SLC17A8: variants seen among roughly 807,000 people sequenced by gnomAD.
SLC17A8 encodes the protein vesicular glutamate transporter 3.
In SLC17A8, 31 loss-of-function variants were observed where a neutral mutation model predicts 58.0. The observed-to-expected ratio is 0.53, with a 90% CI of 0.40 to 0.72. SLC17A8 has a LOEUF of 0.72. Among genes scored for constraint, SLC17A8 ranks in the 30% least tolerant of loss-of-function variants. The probability of loss-of-function intolerance (pLI) is 0.00; values close to 1 mark genes in which losing one functional copy is unlikely to be tolerated. For missense variants in SLC17A8, 655 were observed against 727.8 expected, an observed-to-expected ratio of 0.90 and a Z score of 1.15; for synonymous variants, 228 against 249.0, an observed-to-expected ratio of 0.92 and a Z score of 0.79.
chr12:100,413,085 T>G (rs1952882124), intron 10 of SLC17A8, among the ~76,000 whole-genome samples: 1 of 152,082 alleles, frequency 6.6e-6, no homozygotes, highest in African/African-American at 2.4e-5. Context: ...AAGGTGGAAT[T>G]TTTCCTACTT....
intron 1 of SLC17A8, among the ~76,000 whole-genome samples, chr12:100,367,052 T>A (rs1412920701): frequency 6.6e-6 from 1 of 152,168 alleles, no homozygotes; most frequent in Non-Finnish European, 1.5e-5. Context: ...TTCCTTATTA[T>A]CTTAAGAGCA....
rs1952800225 is a variant in SLC17A8 at position 100,402,678 on chromosome 12, C to T, written c.986C>T (p.Thr329Ile). The T allele has an allele frequency of 6.2e-7, 1 of 1,613,990 alleles. No individual in the cohort carries two copies. Among genetic ancestry groups the T allele is most frequent in the East Asian group, 2.2e-5 (1 of 44,868 alleles). Residue 329 changes from threonine (T) to isoleucine (I), a missense_variant, in exon 8 of 12, where the codon ACC becomes ATC. By Grantham distance (89) the Thr-to-Ile change is moderately conservative. Transcript: ENST00000323346. ...IIVANFCRSWTFYLLLISQPA... is the reference protein window; with the variant it reads ...IIVANFCRSWIFYLLLISQPA... ...GTGGCAAATTTTTGCAGAAGCTGGA[C>T]CTTTTATTTGCTCCTCATAAGTCAG...
chr12:100,365,971 A>C lies in SLC17A8; in HGVS notation c.101+8479A>C, dbSNP rs147991870. Among the ~76,000 whole-genome samples the C allele has an allele frequency of 7.8e-3, 1,187 of 152,046 alleles. 18 individuals are homozygous for C. Among genetic ancestry groups the C allele is most frequent in the African/African-American group, 0.026 (1,095 of 41,468 alleles). Reference sequence around the variant, plus strand: ...CCTCCTTTCTAATGGATATGGAAAGAATGCACCAGATCAAGACAGGCAAGC... The same window carrying C: ...CCTCCTTTCTAATGGATATGGAAAGCATGCACCAGATCAAGACAGGCAAGC... On this transcript the variant is annotated intron_variant, in intron 1 of 11. Coordinates refer to ENST00000323346, the MANE Select transcript of SLC17A8 (RefSeq NM_139319.3).
intron 10 of SLC17A8, among the ~76,000 whole-genome samples, chr12:100,416,993 A>G (rs1396280170): frequency 1.3e-5 from 2 of 151,912 alleles, no homozygotes; most frequent in Non-Finnish European, 2.9e-5. Flanking sequence ...GTAACCTCCA[A>G]CTCCTGGGTT....
chr12:100,390,146 G>A (rs1008799104), intron 2 of SLC17A8, among the ~76,000 whole-genome samples: 7 of 151,802 alleles, frequency 4.6e-5, no homozygotes, highest in African/African-American at 1.5e-4. Flanking sequence ...TTGATTTTTT[G>A]TAGAGATGGG....
At chr12:100,412,642 A>AAAAATAG in intron 9 of SLC17A8, 128 bp from the exon 10 acceptor site, 1 of 691,210 alleles carries the variant, frequency 1.4e-6, no homozygotes, top group Non-Finnish European at 2.6e-6. Flanking sequence ...GTAAAAAAAA[A>AAAAATAG]ACATAGACAC....
chr12:100,374,877 C>T (rs902473984), intron 1 of SLC17A8, among the ~76,000 whole-genome samples: 1 of 152,002 alleles, frequency 6.6e-6, no homozygotes, highest in African/African-American at 2.4e-5. Context: ...CCTGATATCC[C>T]ATCTCCAACT....
chr12:100,396,501 A>C, intron 5 of SLC17A8, 84 bp downstream of exon 5: 1 of 1,090,462 alleles, frequency 9.2e-7, no homozygotes, highest in South Asian at 1.3e-5. Flanking sequence ...TAATCTCAGC[A>C]CTTTAGGGAG....
At position 100,402,586 on chromosome 12, in the gene SLC17A8, T is replaced by C. The variant is rs1410157868; in HGVS notation, c.904-10T>C. The C allele has an allele frequency of 7.4e-6, 12 of 1,613,764 alleles. No homozygotes were observed. Among genetic ancestry groups the C allele is most frequent in the Non-Finnish European group, 9.3e-6 (11 of 1,179,894 alleles). On this transcript the variant is annotated splice_polypyrimidine_tract_variant and intron_variant, in intron 7 of 11. Transcript: ENST00000323346. ...TTTACTAAAAATATCATGGTATTTT[T>C]ACTCCCTAGAAATTTAGTACCCCAT...
intron 9 of SLC17A8, among the ~76,000 whole-genome samples, chr12:100,410,942 C>T (rs1332446836): frequency 1.3e-5 from 2 of 152,168 alleles, no homozygotes; most frequent in South Asian, 2.1e-4. Context: ...CGATACCTCA[C>T]AAGGCTGTGG....
intron 2 of SLC17A8, among the ~76,000 whole-genome samples, chr12:100,388,645 C>A (rs1372466147): frequency 6.6e-6 from 1 of 152,178 alleles, no homozygotes; most frequent in Admixed American, 6.5e-5. Context: ...ACATTGCATT[C>A]AGGAAGCACA....
At chr12:100,410,439 G>A (rs1952858740) in intron 9 of SLC17A8, among the ~76,000 whole-genome samples, 1 of 150,940 alleles carries the variant, frequency 6.6e-6, no homozygotes, top group African/African-American at 2.4e-5. Flanking sequence ...AGCTTGCAGT[G>A]AGCCAAGATC....
At chr12:100,384,453 T>A (rs1952658863) in intron 2 of SLC17A8, among the ~76,000 whole-genome samples, 1 of 151,862 alleles carries the variant, frequency 6.6e-6, no homozygotes, top group Non-Finnish European at 1.5e-5. Flanking sequence ...ATACAAAAAA[T>A]TTGGCCAGAC....
intron 10 of SLC17A8, among the ~76,000 whole-genome samples, chr12:100,415,629 G>A (rs186152617): frequency 2.5e-4 from 38 of 152,118 alleles, no homozygotes; most frequent in African/African-American, 7.0e-4. Flanking sequence ...AGGGTCTCAC[G>A]ATGTTGCCCA....
chr12:100,409,438 G>A (rs943201444), intron 9 of SLC17A8, among the ~76,000 whole-genome samples: 19 of 152,058 alleles, frequency 1.2e-4, no homozygotes, highest in African/African-American at 4.1e-4. Flanking sequence ...CGCCTGCCTC[G>A]TCCTCCCAAA....
chr12:100,388,857 A>G (rs1366496402), intron 2 of SLC17A8, among the ~76,000 whole-genome samples: 5 of 152,216 alleles, frequency 3.3e-5, no homozygotes, highest in South Asian at 2.1e-4. Flanking sequence ...TGTACCTTCT[A>G]TGTTCCCAGG....
chr12:100,371,327 A>G (rs778581339), intron 1 of SLC17A8, among the ~76,000 whole-genome samples: 23 of 152,148 alleles, frequency 1.5e-4, no homozygotes, highest in Non-Finnish European at 3.1e-4. Context: ...CATTGAACCC[A>G]GTACTGTCTG....
At chr12:100,367,458 A>G (rs1056871520) in intron 1 of SLC17A8, among the ~76,000 whole-genome samples, 1 of 152,212 alleles carries the variant, frequency 6.6e-6, no homozygotes, top group Non-Finnish European at 1.5e-5. Context: ...AATGAAGGAA[A>G]AGAGAGGATG....
chr12:100,386,791 C>G (rs1005918790), intron 2 of SLC17A8, among the ~76,000 whole-genome samples: 3 of 150,564 alleles, frequency 2.0e-5, no homozygotes, highest in Admixed American at 6.7e-5. Flanking sequence ...CAGGTTCAAG[C>G]GATTCTCCTG....
Sources: gnomAD v4.1 joint callset for allele counts (sites outside exome capture counted in the v4.1 genomes callset) on GRCh38, gnomAD v4.1.1 for gene constraint, MANE v1.5 for transcripts, NCBI Gene and HGNC (gene_info 2026-07-23, HGNC 2026-07-21) for gene names.